RTN3: variants seen among roughly 807,000 people sequenced by gnomAD.
RTN3 encodes reticulon-3.
A neutral mutation model predicts 77.8 loss-of-function variants in RTN3; 49 were observed. The observed-to-expected ratio is 0.63, with a 90% CI of 0.50 to 0.80. The LOEUF is 0.80. Among genes scored for constraint, RTN3 ranks in the 30% least tolerant of loss-of-function variants. The probability of loss-of-function intolerance (pLI) is 0.00; values close to 1 mark genes in which losing one functional copy is unlikely to be tolerated. For missense variants in RTN3, 1,236 were observed against 1,211.9 expected, an observed-to-expected ratio of 1.02 and a Z score of -0.29; for synonymous variants, 464 against 446.9, an observed-to-expected ratio of 1.04 and a Z score of -0.48.
chr11:63,728,881 C>T (rs1270121544), intron 3 of RTN3, among the ~76,000 whole-genome samples: 6 of 136,170 alleles, frequency 4.4e-5, no homozygotes, highest in Admixed American at 1.5e-4. Context: ...AGCGAGACTC[C>T]GTCTCAAAAA....
At position 63,719,776 on chromosome 11, in the gene RTN3, T is replaced by C; in HGVS notation, c.1274T>C (p.Leu425Ser). The change falls in exon 3 of 9, where the codon TTG (leucine) becomes TCG (serine). Residue 425 changes from leucine (L) to serine (S), a missense_variant. By Grantham distance (145) the Leu-to-Ser change is moderately radical (BLOSUM62 -2). This residue lies in a region of RTN3 where 1,056 missense variants were observed against 990.4 expected (regional missense o/e 1.07). Transcript: ENST00000377819. ...AITGKPVPDS[L>S]NSTKEFSIKG... is the part of the protein sequence containing the mutation. ...ACTGGAAAACCTGTACCTGACTCTT[T>C]GAATTCCACAAAAGAATTCAGTATC... is the stretch of plus-strand genomic sequence containing the variant. 1 of 1,614,202 alleles carries C rather than the reference T, an allele frequency of 6.2e-7. No homozygotes were observed. Among genetic ancestry groups the C allele is most frequent in the Middle Eastern group, 1.6e-4 (1 of 6,062 alleles).
At position 63,721,648 on chromosome 11, in the gene RTN3, TGC is replaced by T. The variant is rs548137423; in HGVS notation, c.2530+617_2530+618del. 1.2e-3 allele frequency among the ~76,000 whole-genome samples: 176 copies of T among 152,236 alleles called. 1 individual carries two copies. Among genetic ancestry groups the T allele is most frequent in the African/African-American group, 4.2e-3 (173 of 41,560 alleles). On this transcript the variant is annotated intron_variant, in intron 3 of 8. Transcript: ENST00000377819. ...TCAAGGTACTTCTTTTCTTATAGGT[TGC>T]CCCTAAGGTGATATTAGGTGAGAAT... is the stretch of plus-strand genomic sequence containing the variant.
intron 3 of RTN3, chr11:63,746,950 C>T (rs754028587): frequency 5.3e-5 from 24 of 456,014 alleles, no homozygotes; most frequent in South Asian, 3.7e-4. Context: ...TTTCCAGAGT[C>T]CAGTCTAGGA....
In RTN3 at chr11:63,752,554, A is replaced by G; in HGVS notation, c.2786A>G (p.Asn929Ser). ...DITLSSEAFH[N>S]YMNAAMVHIN... ...ACTCTGTCCTCAGAAGCTTTCCATAATTACATGAATGCTGCCATGGTGCAC... is the reference window on the plus strand; with the variant it reads ...ACTCTGTCCTCAGAAGCTTTCCATAGTTACATGAATGCTGCCATGGTGCAC... The change falls in exon 5 of 9, where the codon AAT becomes AGT. Residue 929 changes from asparagine to serine, a missense_variant. By Grantham distance (46) the Asn-to-Ser change is conservative. Coordinates refer to ENST00000377819, the MANE Select transcript of RTN3 (RefSeq NM_001265589.2). The G allele has an allele frequency of 6.2e-7, 1 of 1,613,494 alleles. No individual in the cohort carries two copies. Among genetic ancestry groups the G allele is most frequent in the Non-Finnish European group, 8.5e-7 (1 of 1,179,424 alleles).
At position 63,719,496 on chromosome 11, in the gene RTN3, A is replaced by G. The variant is rs1356575064; in HGVS notation, c.994A>G (p.Met332Val). Residue 332 changes from methionine to valine, a missense_variant, in exon 3 of 9, where the codon ATG (methionine) becomes GTG (valine). This residue lies in a region of RTN3 where 1,056 missense variants were observed against 990.4 expected (regional missense o/e 1.07). Transcript: ENST00000377819. The part of the protein sequence containing the change: ...LEEVSRCVND[M>V]HNFTNEILTW... Reference sequence around the variant, plus strand: ...AGAGGTGTCCAGATGCGTGAATGATATGCATAACTTTACTAACGAAATACT... The same window carrying G: ...AGAGGTGTCCAGATGCGTGAATGATGTGCATAACTTTACTAACGAAATACT... 8 of 1,614,074 alleles carry G rather than the reference A, an allele frequency of 5.0e-6. No individual in the cohort carries two copies. Among genetic ancestry groups the G allele is most frequent in the Non-Finnish European group, 6.8e-6 (8 of 1,180,034 alleles).
intron 4 of RTN3, among the ~76,000 whole-genome samples, chr11:63,750,722 TTTTTTTG>T (rs1293860027): frequency 6.7e-6 from 1 of 149,248 alleles, no homozygotes; most frequent in Non-Finnish European, 1.5e-5. Context: ...AAAGTGCTGT[TTTTTTTG>T]TTTTTTGTTT....
At chr11:63,685,577 A>T (rs372352166) in intron 1 of RTN3, among the ~76,000 whole-genome samples, 10 of 151,056 alleles carry the variant, frequency 6.6e-5, no homozygotes, top group African/African-American at 2.0e-4. Flanking sequence ...GTTTTTCTTC[A>T]TGTCACAAAG....
intron 3 of RTN3, among the ~76,000 whole-genome samples, chr11:63,732,323 G>A (rs898077618): frequency 2.0e-5 from 3 of 151,876 alleles, no homozygotes; most frequent in African/African-American, 7.3e-5. Context: ...CTACAGGCAC[G>A]CACTATCATA....
intron 2 of RTN3, among the ~76,000 whole-genome samples, chr11:63,706,691 T>C (rs1942508595): frequency 6.6e-6 from 1 of 152,198 alleles, no homozygotes; most frequent in African/African-American, 2.4e-5. Flanking sequence ...TATATTGTTC[T>C]TGACATTTGG....
At chr11:63,722,189 C>T (rs1245444082) in intron 3 of RTN3, among the ~76,000 whole-genome samples, 2 of 152,074 alleles carry the variant, frequency 1.3e-5, no homozygotes, top group Non-Finnish European at 2.9e-5. Context: ...ACTGTATGGT[C>T]AGTGTTAGGT....
At position 63,720,939 on chromosome 11, in the gene RTN3, A is replaced by G. The variant is rs762578104; in HGVS notation, c.2437A>G (p.Arg813Gly). The G allele has an allele frequency of 6.2e-7, 1 of 1,614,148 alleles. No homozygotes were observed. Among genetic ancestry groups the G allele is most frequent in the South Asian group, 1.1e-5 (1 of 91,088 alleles). ...LGISQKPITI[R>G]ETTRVDAVSS... Reference sequence around the variant, plus strand: ...GATTTCCCAGAAGCCCATCACTATCAGAGAAACTACTAGGGTAGATGCTGT... The same window carrying G: ...GATTTCCCAGAAGCCCATCACTATCGGAGAAACTACTAGGGTAGATGCTGT... Residue 813 changes from arginine (R) to glycine (G), a missense_variant, in exon 3 of 9, where the codon AGA (arginine) becomes GGA (glycine). By Grantham distance (125) the Arg-to-Gly change is moderately radical. Transcript: ENST00000377819.
At chr11:63,703,509 C>A (rs1369673710) in intron 1 of RTN3, among the ~76,000 whole-genome samples, 1 of 151,940 alleles carries the variant, frequency 6.6e-6, no homozygotes. Flanking sequence ...ATATTTATAA[C>A]CAGAGCTTTT....
intron 1 of RTN3, among the ~76,000 whole-genome samples, chr11:63,703,124 A>G (rs1349190966): frequency 6.6e-6 from 1 of 152,248 alleles, no homozygotes; most frequent in Non-Finnish European, 1.5e-5. Context: ...CAATAAAAAA[A>G]AACACAATTT....
chr11:63,687,866 C>T (rs928654039), intron 1 of RTN3, among the ~76,000 whole-genome samples: 1 of 152,154 alleles, frequency 6.6e-6, no homozygotes, highest in South Asian at 2.1e-4. Flanking sequence ...AATCTGTCTT[C>T]CTCACAATCA....
At chr11:63,682,632 G>A (rs1385536543) in intron 1 of RTN3, among the ~76,000 whole-genome samples, 1 of 151,532 alleles carries the variant, frequency 6.6e-6, no homozygotes, top group East Asian at 1.9e-4. Context: ...ATAACAAAGG[G>A]GGGTGTTTAT....
intron 2 of RTN3, among the ~76,000 whole-genome samples, chr11:63,708,142 G>A (rs1942586709): frequency 6.6e-6 from 1 of 152,134 alleles, no homozygotes; most frequent in Admixed American, 6.5e-5. Flanking sequence ...GAATGGAGAT[G>A]AGGGCTCTGG....
chr11:63,737,845 C>G (rs2013230786), intron 3 of RTN3, among the ~76,000 whole-genome samples: 1 of 152,184 alleles, frequency 6.6e-6, no homozygotes, highest in African/African-American at 2.4e-5. Flanking sequence ...TTTCTCTGGC[C>G]TGCTGCCAGA....
At chr11:63,718,256 G>A (rs1039142603) in intron 2 of RTN3, among the ~76,000 whole-genome samples, 31 of 152,146 alleles carry the variant, frequency 2.0e-4, no homozygotes, top group Non-Finnish European at 3.5e-4. Flanking sequence ...GAGGCAGTCT[G>A]TGCTCTGAAT....
chr11:63,756,570 G>A (rs545730230), intron 8 of RTN3, among the ~76,000 whole-genome samples: 3 of 152,198 alleles, frequency 2.0e-5, no homozygotes, highest in African/African-American at 4.8e-5. Context: ...CTACTGGAGA[G>A]GCTGAGACAA....
Sources: gnomAD v4.1 joint callset for allele counts (sites outside exome capture counted in the v4.1 genomes callset) on GRCh38, gnomAD v4.1.1 for gene constraint, gnomAD v4.1.1 regional missense constraint, MANE v1.5 for transcripts, NCBI Gene and HGNC (gene_info 2026-07-23, HGNC 2026-07-21) for gene names.